The following TMPRSS7 variants were observed in gnomAD, a reference collection of about 807,000 sequenced individuals.
TMPRSS7 encodes transmembrane protease serine 7.
In TMPRSS7, 81 loss-of-function variants were observed where a neutral mutation model predicts 95.6. The observed-to-expected ratio is 0.85, with a 90% confidence interval of 0.71 to 1.02. The LOEUF (loss-of-function observed/expected upper bound fraction) is 1.02, where lower values mean the gene tolerates loss of function less well. Among genes scored for constraint, TMPRSS7 ranks in the 50% least tolerant of loss-of-function variants. TMPRSS7 has a pLI of 0.00. For missense variants in TMPRSS7, 945 were observed against 955.2 expected (o/e 0.99, Z 0.14); for synonymous variants, 364 against 337.8 (o/e 1.08, Z -0.85).
chr3:112,056,993 A>G (rs781769820), intron 9 of TMPRSS7, 32 bp from the exon 10 acceptor site: 23 of 1,477,196 alleles, frequency 1.6e-5, no homozygotes, highest in Non-Finnish European at 2.1e-5. Context: ...TGATTGAAGC[A>G]TTTTTTTCTG....
chr3:112,055,218 T>G (rs1174292077), intron 9 of TMPRSS7, among the ~76,000 whole-genome samples: 1 of 152,138 alleles, frequency 6.6e-6, no homozygotes, highest in Non-Finnish European at 1.5e-5. Context: ...TTCAGAGACA[T>G]GCAGGGCTGG....
At chr3:112,063,106 CA>C (rs2073531473) in intron 11 of TMPRSS7, among the ~76,000 whole-genome samples, 1 of 152,228 alleles carries the variant, frequency 6.6e-6, no homozygotes, top group Non-Finnish European at 1.5e-5. Flanking sequence ...CATCTGATCA[CA>C]GAAGATTCAG....
At chr3:112,071,390 A>T (rs762248716) in intron 13 of TMPRSS7, among the ~76,000 whole-genome samples, 12 of 151,812 alleles carry the variant, frequency 7.9e-5, no homozygotes, top group Non-Finnish European at 1.8e-4. Context: ...TTTTTCCTTC[A>T]TTTCAACCTT....
At chr3:112,052,933 A>AC (rs2073380617) in intron 9 of TMPRSS7, among the ~76,000 whole-genome samples, 1 of 152,126 alleles carries the variant, frequency 6.6e-6, no homozygotes, top group African/African-American at 2.4e-5. Flanking sequence ...AGAAAAAAAA[A>AC]AAAAGTCTTT....
At chr3:112,066,017 C>CA (rs2073571344) in intron 12 of TMPRSS7, among the ~76,000 whole-genome samples, 2 of 152,150 alleles carry the variant, frequency 1.3e-5, no homozygotes, top group Admixed American at 1.3e-4. Flanking sequence ...ATGAAGAAGA[C>CA]AAAATCTCCA....
chr3:112,077,701 A>G (rs916075246), intron 16 of TMPRSS7, among the ~76,000 whole-genome samples: 4 of 152,056 alleles, frequency 2.6e-5, no homozygotes, highest in Non-Finnish European at 5.9e-5. Context: ...CCCAGAGGAG[A>G]TACCTTTTTG....
At chr3:112,076,116 C>T (rs1422456122) in intron 15 of TMPRSS7, among the ~76,000 whole-genome samples, 1 of 152,122 alleles carries the variant, frequency 6.6e-6, no homozygotes, top group Non-Finnish European at 1.5e-5. Flanking sequence ...TGTATTAACC[C>T]TAATATTTCT....
intron 10 of TMPRSS7, among the ~76,000 whole-genome samples, chr3:112,058,737 T>G (rs779544454): frequency 6.6e-6 from 1 of 152,146 alleles, no homozygotes; most frequent in Non-Finnish European, 1.5e-5. Flanking sequence ...AGGAACTATT[T>G]TATCCCTAAA....
chr3:112,068,873 G>A (rs766814522), intron 13 of TMPRSS7, among the ~76,000 whole-genome samples: 1 of 152,144 alleles, frequency 6.6e-6, no homozygotes, highest in Non-Finnish European at 1.5e-5. Flanking sequence ...AATAGGAGTG[G>A]TGAGAGGGCA....
chr3:112,052,102 T>C (rs980593632), intron 9 of TMPRSS7, among the ~76,000 whole-genome samples: 22 of 151,794 alleles, frequency 1.4e-4, no homozygotes, highest in Non-Finnish European at 1.0e-4. Context: ...ATATGTCTCG[T>C]AATGATAAAA....
At chr3:112,050,623 T>C (rs773795417) in intron 8 of TMPRSS7, 48 bp from the exon 9 acceptor site, 1 of 1,059,922 alleles carries the variant, frequency 9.4e-7, no homozygotes, top group Admixed American at 2.3e-5. Context: ...GTATTTTCCA[T>C]AATCTCACAG....
Position 112,036,378 on chromosome 3 carries a change from G to C in TMPRSS7, c.48+1485G>C, listed in dbSNP as rs541033254. Among the ~76,000 whole-genome samples, 119 of 152,300 alleles carry C rather than the reference G, an allele frequency of 7.8e-4. 1 individual carries two copies. The highest frequency in any genetic ancestry group is 1.2e-3 in the Non-Finnish European group (80 of 68,028). On this transcript the variant is annotated intron_variant, in intron 1 of 17. Coordinates refer to ENST00000452346, the Ensembl canonical transcript of TMPRSS7. The stretch of plus-strand genomic sequence containing the variant: ...GAGGTCAAGAGTTCAAGACCAACCT[G>C]ACCAACATGGTGAAACCGCATCTCT...
At chr3:112,081,199 G>A (rs150252208), downstream of TMPRSS7, 14,672 of 950,330 alleles carry the variant, frequency 0.015, 328 homozygotes, top group South Asian at 0.074. Context: ...TTGGGAGGCC[G>A]AGGCGGGCAG....
At chr3:112,047,391 C>T (rs539530044) in intron 6 of TMPRSS7, 6 of 562,650 alleles carry the variant, frequency 1.1e-5, no homozygotes, top group South Asian at 6.1e-5. Flanking sequence ...CCACGTATTT[C>T]CTGATTGCTC....
At chr3:112,050,728 G>C (rs1489462842) in exon 9 of TMPRSS7, 1 of 1,605,056 alleles carries the variant, frequency 6.2e-7, no homozygotes, top group Non-Finnish European at 8.5e-7. Context: ...AAAATTTCAA[G>C]CCCATATTAC....
chr3:112,078,911 G>A, intron 17 of TMPRSS7, 33 bp downstream of exon 17: 1 of 1,606,056 alleles, frequency 6.2e-7, no homozygotes, highest in African/African-American at 1.3e-5. Context: ...TGCCTAACAT[G>A]TTGTGCTTTC....
chr3:112,067,164 C>T (rs2073587890), intron 13 of TMPRSS7, among the ~76,000 whole-genome samples: 1 of 152,114 alleles, frequency 6.6e-6, no homozygotes, highest in African/African-American at 2.4e-5. Flanking sequence ...TGAACTCATC[C>T]TTTTTTATGG....
intron 7 of TMPRSS7, among the ~76,000 whole-genome samples, chr3:112,049,107 G>A (rs776725516): frequency 2.0e-5 from 3 of 152,174 alleles, no homozygotes; most frequent in Non-Finnish European, 4.4e-5. Flanking sequence ...ATTGGCTGGG[G>A]GTCAAGCCCG....
chr3:112,064,090 G>T (rs1307264526), intron 12 of TMPRSS7, among the ~76,000 whole-genome samples: 2 of 152,186 alleles, frequency 1.3e-5, no homozygotes, highest in Non-Finnish European at 2.9e-5. Flanking sequence ...AAAGTCAGGG[G>T]CAGGGAAATT....
Sources: gnomAD v4.1 joint callset for allele counts (sites outside exome capture counted in the v4.1 genomes callset) on GRCh38, gnomAD v4.1.1 for gene constraint, MANE v1.5 for transcripts, NCBI Gene and HGNC (gene_info 2026-07-23, HGNC 2026-07-21) for gene names.